The following KIAA0930 variants were observed in gnomAD, a reference collection of about 807,000 sequenced individuals.
KIAA0930 encodes uncharacterized protein KIAA0930.
Under a neutral mutation model 43.9 loss-of-function variants are expected in KIAA0930, and 24 were observed. The ratio of observed to expected loss-of-function variants is 0.55; its 90% confidence interval spans 0.40 to 0.77. The LOEUF (loss-of-function observed/expected upper bound fraction) is 0.77, where lower values mean the gene tolerates loss of function less well. Ranked by LOEUF, KIAA0930 falls within the 30% of genes least tolerant of loss-of-function variation. KIAA0930 has a pLI of 0.00. For missense variants in KIAA0930, 461 were observed against 574.2 expected, an observed-to-expected ratio of 0.80 and a Z score of 2.02; for synonymous variants, 259 against 216.4, an observed-to-expected ratio of 1.20 and a Z score of -1.73.
Position 45,240,251 on chromosome 22 carries a change from G to T in KIAA0930, c.64+389C>A, listed in dbSNP as rs923497541. Among the ~76,000 whole-genome samples, 6 of 152,242 alleles carry T rather than the reference G, an allele frequency of 3.9e-5. No homozygotes were observed. In the East Asian group the frequency reaches 1.2e-3, roughly 29 times the overall value. On this transcript the variant is annotated intron_variant, in intron 1 of 9. Coordinates refer to ENST00000336156, the MANE Select transcript of KIAA0930 (RefSeq NM_001009880.2). ...CCCGACCCTGCCGCGCTGGGCTAAGGGTGTACCCAGATCCCACGCCCACAC... is the reference window on the plus strand; with the variant it reads ...CCCGACCCTGCCGCGCTGGGCTAAGTGTGTACCCAGATCCCACGCCCACAC...
intron 2 of KIAA0930, 75 bp from the exon 3 acceptor site, chr22:45,205,987 G>A: frequency 6.4e-6 from 10 of 1,567,800 alleles, no homozygotes; most frequent in Non-Finnish European, 8.6e-6. Context: ...TACTATGCAG[G>A]CATTACGATG....
intron 8 of KIAA0930, among the ~76,000 whole-genome samples, chr22:45,199,194 C>T (rs1434057062): frequency 2.0e-5 from 3 of 152,208 alleles, no homozygotes; most frequent in African/African-American, 7.2e-5. Context: ...CCTCAGAGGC[C>T]TCCCTGGGGG....
intron 1 of KIAA0930, among the ~76,000 whole-genome samples, chr22:45,224,679 G>A (rs2147758813): frequency 6.6e-6 from 1 of 152,318 alleles, no homozygotes; most frequent in Non-Finnish European, 1.5e-5. Flanking sequence ...CCAGTAGAAG[G>A]TGGTGGCTGG....
At chr22:45,203,294 G>A in intron 6 of KIAA0930, 110 bp from the exon 7 acceptor site, 1 of 1,117,626 alleles carries the variant, frequency 8.9e-7, no homozygotes, top group Non-Finnish European at 1.3e-6. Flanking sequence ...AGCGGGGGCT[G>A]CCCGGGAGGG....
Position 45,199,859 on chromosome 22 carries a change from G to T in KIAA0930, c.1015+14C>A. 6.4e-7 allele frequency: 1 copy of T among 1,552,842 alleles called. No individual in the cohort carries two copies. Among genetic ancestry groups the T allele is most frequent in the Non-Finnish European group, 8.7e-7 (1 of 1,143,782 alleles). On this transcript the variant is annotated intron_variant, in intron 8 of 9. Coordinates refer to ENST00000336156, the MANE Select transcript of KIAA0930 (RefSeq NM_001009880.2). ...AAGGGCACGGGGACCCTAGGGCACG[G>T]AGTGGGGGGTCACCTCCACCGTCGT... is the stretch of plus-strand genomic sequence containing the variant.
At chr22:45,228,158 C>G (rs2083814436) in intron 1 of KIAA0930, among the ~76,000 whole-genome samples, 1 of 152,088 alleles carries the variant, frequency 6.6e-6, no homozygotes, top group Non-Finnish European at 1.5e-5. Context: ...TTTTGTGGGG[C>G]CAGAGTGGGG....
At position 45,205,334 on chromosome 22, in the gene KIAA0930, T is replaced by C; in HGVS notation, c.415-16A>G. 3 of 1,609,522 alleles carry C rather than the reference T, an allele frequency of 1.9e-6. No homozygotes were observed. Among genetic ancestry groups the C allele is most frequent in the Non-Finnish European group, 2.6e-6 (3 of 1,176,040 alleles). The stretch of plus-strand genomic sequence containing the variant: ...CGAACACTTGCTGGAAGAAAGCAGA[T>C]TTGGAGGACAAGTGAGGCCCCACCC... On this transcript the variant is annotated splice_polypyrimidine_tract_variant and intron_variant, in intron 4 of 9. Transcript: ENST00000336156.
Position 45,219,662 on chromosome 22 carries a change from G to A in KIAA0930, c.65-7555C>T, listed in dbSNP as rs138509239. ...GCTGGAATAACATCATGTGATCTCG[G>A]CTCACTGCAACCTCCATTTCCTGGG... On this transcript the variant is annotated intron_variant, in intron 1 of 9. Coordinates refer to ENST00000336156, the MANE Select transcript of KIAA0930 (RefSeq NM_001009880.2). Among the ~76,000 whole-genome samples the A allele has an allele frequency of 3.3e-4, 47 of 143,316 alleles. No homozygotes were observed. The East Asian group carries it at 7.5e-3, about 23-fold the overall frequency. The allele number at this position is 143,316 out of a possible 152,430, so 94.0% of individuals were successfully genotyped here.
chr22:45,196,990 G>A lies in KIAA0930; in HGVS notation c.*186C>T, dbSNP rs2083542253. On this transcript the variant is annotated 3_prime_UTR_variant, in exon 10 of 10. Coordinates refer to ENST00000336156, the MANE Select transcript of KIAA0930 (RefSeq NM_001009880.2). This position sits in a 1 kb window ranked among gnomAD's most constrained non-coding sequence, Gnocchi z 4.1. ...GGAGCAGCGCCAGCAGGGGAGGGAAGAGGCACTTCAGTTTGGGCTGGTGTT... is the reference window on the plus strand; with the variant it reads ...GGAGCAGCGCCAGCAGGGGAGGGAAAAGGCACTTCAGTTTGGGCTGGTGTT... 1.8e-6 allele frequency: 1 copy of A among 553,922 alleles called. No homozygotes were observed. Among genetic ancestry groups the A allele is most frequent in the East Asian group, 3.3e-5 (1 of 30,612 alleles). The allele number at this position is 553,922 out of a possible 1,614,324, so 34.3% of individuals were successfully genotyped here.
intron 1 of KIAA0930, among the ~76,000 whole-genome samples, chr22:45,238,637 A>C (rs1248339373): frequency 6.6e-6 from 1 of 150,870 alleles, no homozygotes; most frequent in East Asian, 1.9e-4. Flanking sequence ...AGAAAACAGC[A>C]GGTTTTCTCT....
chr22:45,213,570 G>A lies in KIAA0930; in HGVS notation c.65-1463C>T, dbSNP rs1285776118. 2.6e-5 allele frequency: 26 copies of A among 1,008,622 alleles called. No individual in the cohort carries two copies. The South Asian group carries it at 2.9e-4, about 11-fold the overall frequency. The allele number at this position is 1,008,622 out of a possible 1,614,324, so 62.5% of individuals were successfully genotyped here. ...TTGCAACAGGCAAAGCCCAAGTCAC[G>A]CTACTACAGACCCTTGCAAAATTAA... On this transcript the variant is annotated intron_variant, in intron 1 of 9. Transcript: ENST00000336156.
In KIAA0930 at chr22:45,200,151, G is replaced by C. The variant is rs540702549; in HGVS notation, c.853-116C>G. The C allele has an allele frequency of 3.7e-6, 4 of 1,091,448 alleles. No homozygotes were observed. In the African/African-American group the frequency reaches 5.0e-5, roughly 14 times the overall value. 67.6% of individuals were successfully genotyped at this position (1,091,448 alleles called of 1,614,324 possible). A position where few individuals can be genotyped will look rare whatever the true frequency, so the allele number is the denominator to read the frequency against. On this transcript the variant is annotated intron_variant, in intron 7 of 9. Coordinates refer to ENST00000336156, the MANE Select transcript of KIAA0930 (RefSeq NM_001009880.2). ...TGACACAGCTCCCAGGGAAGAGGCC[G>C]CTGGCCCAGGAGGACCCAGGCCCAG...
chr22:45,197,986 T>G, intron 8 of KIAA0930, 38 bp from the exon 9 acceptor site: 1 of 1,609,452 alleles, frequency 6.2e-7, no homozygotes, highest in Non-Finnish European at 8.5e-7. Context: ...CCCCACAGCA[T>G]GGGACGCGGC....
At position 45,211,955 on chromosome 22, in the gene KIAA0930, C is replaced by T; in HGVS notation, c.216+1G>A. On this transcript the variant is annotated splice_donor_variant, in intron 2 of 9. Transcript: ENST00000336156. LOFTEE classifies it high-confidence loss of function. Reference sequence around the variant, plus strand: ...AGGGGCAGGGGCCGGGGGTCACTCACCTTCCTCCCGTCTGCACCGCTTTCG... The same window carrying T: ...AGGGGCAGGGGCCGGGGGTCACTCATCTTCCTCCCGTCTGCACCGCTTTCG... The T allele has an allele frequency of 1.2e-6, 2 of 1,610,356 alleles. No individual in the cohort carries two copies. The highest frequency in any genetic ancestry group is 1.1e-5 in the South Asian group (1 of 91,070).
intron 7 of KIAA0930, 23 bp downstream of exon 7, chr22:45,202,967 G>GC: frequency 5.1e-6 from 8 of 1,563,440 alleles, no homozygotes; most frequent in Non-Finnish European, 6.9e-6. Context: ...GGGAGCCCCC[G>GC]CCCCCAGCTG....
At chr22:45,205,771 C>CGGGG in intron 3 of KIAA0930, 22 bp downstream of exon 3, 1 of 710,682 alleles carries the variant, frequency 1.4e-6, no homozygotes, top group Non-Finnish European at 2.4e-6. Flanking sequence ...CAATCCGCAG[C>CGGGG]CCCACCCATC....
At chr22:45,225,406 G>C (rs985202122) in intron 1 of KIAA0930, among the ~76,000 whole-genome samples, 1 of 152,148 alleles carries the variant, frequency 6.6e-6, no homozygotes, top group African/African-American at 2.4e-5. Flanking sequence ...TCCACGTTGC[G>C]TGCCTAAAAC....
intron 1 of KIAA0930, chr22:45,213,270 C>T: frequency 7.8e-7 from 1 of 1,281,756 alleles, no homozygotes; most frequent in South Asian, 1.3e-5. Flanking sequence ...CCTCAGCCCT[C>T]AGCCCTCTGC....
At chr22:45,198,423 C>T (rs924652782) in intron 8 of KIAA0930, among the ~76,000 whole-genome samples, 13 of 152,296 alleles carry the variant, frequency 8.5e-5, no homozygotes, top group Non-Finnish European at 8.8e-5. Flanking sequence ...CTTACTGATT[C>T]GGGAACGGGC....
Sources: allele counts gnomAD v4.1 joint callset (sites outside exome capture counted in the v4.1 genomes callset), GRCh38; gene constraint gnomAD v4.1.1; non-coding constraint Gnocchi (gnomAD v3.1); transcripts MANE v1.5; gene names NCBI Gene and HGNC (gene_info 2026-07-23, HGNC 2026-07-21).